Variants in ZHX3 observed in about 807,000 individuals in gnomAD.
The protein encoded by ZHX3 is zinc fingers and homeoboxes protein 3.
Under a neutral mutation model 64.5 loss-of-function variants are expected in ZHX3, and 20 were observed. That is an observed-to-expected ratio of 0.31 (90% CI 0.22 to 0.45). ZHX3 has a LOEUF of 0.45. ZHX3 is among the 20% of genes least tolerant of loss of function. The probability of loss-of-function intolerance (pLI) is 1.00; values close to 1 mark genes in which losing one functional copy is unlikely to be tolerated. For synonymous variants in ZHX3, 423 were observed against 461.6 expected (o/e 0.92, Z 1.07); for missense variants, 1,041 against 1,195.8 (o/e 0.87, Z 1.91).
chr20:41,290,643 T>C (rs1177805248), intron 1 of ZHX3: 1 of 152,244 alleles, frequency 6.6e-6, no homozygotes, highest in Non-Finnish European at 1.5e-5. Flanking sequence ...CTGTGTCTGA[T>C]GAGAAAACAG....
rs77005189 is a variant in ZHX3, at chr20:41,247,688, C to T, written c.-151+21302G>A. ...CATCCTTCTCCTGTGGCTTGTAAAC[C>T]TCTGCAGTAACTTCAGCAATCTACA... is the stretch of plus-strand genomic sequence containing the variant. On this transcript the variant is annotated intron_variant, in intron 2 of 3. Transcript: ENST00000683867. 2.6e-3 allele frequency among the ~76,000 whole-genome samples: 393 copies of T among 151,722 alleles called. 3 individuals are homozygous for T. Among genetic ancestry groups the T allele is most frequent in the African/African-American group, 9.1e-3 (377 of 41,280 alleles).
rs995552526 is a variant in ZHX3 at position 41,224,099 on chromosome 20, C to G, written c.-150-19033G>C. On this transcript the variant is annotated intron_variant, in intron 2 of 3. Coordinates refer to ENST00000683867, the MANE Select transcript of ZHX3 (RefSeq NM_001384317.1). The surrounding 1 kb of genome is among the most constrained non-coding windows in gnomAD (Gnocchi z 5.2). ...AGAACAAGCAAAACAAAAAAAATACCCAAAATGGAGGAGTGGGACAATATA... is the reference window on the plus strand; with the variant it reads ...AGAACAAGCAAAACAAAAAAAATACGCAAAATGGAGGAGTGGGACAATATA... 6.6e-6 allele frequency among the ~76,000 whole-genome samples: 1 copy of G among 151,652 alleles called. No homozygotes were observed. The highest frequency in any genetic ancestry group is 2.4e-5 in the African/African-American group (1 of 41,312).
Position 41,181,794 on chromosome 20 carries a change from A to AG in ZHX3, c.*3396dup, listed in dbSNP as rs2036260580. On this transcript the variant is annotated 3_prime_UTR_variant, in exon 4 of 4. Coordinates refer to ENST00000683867, the MANE Select transcript of ZHX3 (RefSeq NM_001384317.1). ...AAGGCTAGCTGGAGATGAGACCACT[A>AG]GTACATGTGTGAGCCCGCAAGGCAC... 6.6e-6 allele frequency: 1 copy of AG among 152,278 alleles called. No individual in the cohort carries two copies. The highest frequency in any genetic ancestry group is 1.5e-5 in the Non-Finnish European group (1 of 68,076). The allele number at this position is 152,278 out of a possible 1,614,324, so 9.4% of individuals were successfully genotyped here.
chr20:41,253,499 T>C (rs770160233), intron 2 of ZHX3, among the ~76,000 whole-genome samples: 1 of 152,196 alleles, frequency 6.6e-6, no homozygotes, highest in Non-Finnish European at 1.5e-5. Context: ...GTGAGTCACT[T>C]TAAATTCTGG....
chr20:41,197,432 T>C (rs1317931183), intron 3 of ZHX3, among the ~76,000 whole-genome samples: 1 of 147,818 alleles, frequency 6.8e-6, no homozygotes, highest in Non-Finnish European at 1.5e-5. Flanking sequence ...AATATATATA[T>C]TTTTTTTCTC....
At chr20:41,264,137 G>A (rs1015278311) in intron 2 of ZHX3, among the ~76,000 whole-genome samples, 13 of 152,016 alleles carry the variant, frequency 8.6e-5, no homozygotes, top group East Asian at 7.7e-4. Flanking sequence ...GGCCAGGCGC[G>A]GTGGCTCACA....
chr20:41,306,939 C>G (rs543041096), intron 1 of ZHX3, among the ~76,000 whole-genome samples: 1 of 152,176 alleles, frequency 6.6e-6, no homozygotes, highest in African/African-American at 2.4e-5. Context: ...TCAGGCATAA[C>G]GATGACCACC....
At chr20:41,191,786 G>A (rs1349469591) in intron 3 of ZHX3, among the ~76,000 whole-genome samples, 1 of 152,192 alleles carries the variant, frequency 6.6e-6, no homozygotes, top group South Asian at 2.1e-4. Context: ...TGGTATCTGT[G>A]ATTTCCTCAG....
chr20:41,210,245 G>A (rs1166499711), intron 2 of ZHX3, among the ~76,000 whole-genome samples: 1 of 152,204 alleles, frequency 6.6e-6, no homozygotes, highest in African/African-American at 2.4e-5. Flanking sequence ...TTACACTGTT[G>A]GTGGGACTGT....
At chr20:41,287,706 G>T (rs1372168084) in intron 1 of ZHX3, among the ~76,000 whole-genome samples, 1 of 152,148 alleles carries the variant, frequency 6.6e-6, no homozygotes, top group Non-Finnish European at 1.5e-5. Context: ...TGGTAGTGGG[G>T]CCATCCCTGT....
chr20:41,267,156 C>A (rs984719117), intron 2 of ZHX3, among the ~76,000 whole-genome samples: 2 of 152,102 alleles, frequency 1.3e-5, no homozygotes, highest in African/African-American at 2.4e-5. Flanking sequence ...CCTAACCCTC[C>A]CAATTTATTA....
intron 3 of ZHX3, among the ~76,000 whole-genome samples, chr20:41,189,859 T>C (rs2036853874): frequency 6.6e-6 from 1 of 152,196 alleles, no homozygotes; most frequent in Non-Finnish European, 1.5e-5. Flanking sequence ...TCCAGTACTA[T>C]GCTGAATAGG....
At position 41,204,734 on chromosome 20, in the gene ZHX3, G is replaced by A; in HGVS notation, c.183C>T (p.Gly61=). The A allele has an allele frequency of 6.2e-7, 1 of 1,614,068 alleles. No individual in the cohort carries two copies. The highest frequency in any genetic ancestry group is 1.3e-5 in the African/African-American group (1 of 74,980). The change falls in exon 3 of 4, where the codon GGC becomes GGT. Residue 61 remains glycine, a synonymous_variant. Transcript: ENST00000683867. The surrounding 1 kb of genome is among the most constrained non-coding windows in gnomAD (Gnocchi z 6.6). The part of the protein sequence containing the change: ...EAAQNPSSTD[G]STLANGHRST... ...TCCGATGCCCATTGGCCAGTGTAGAGCCATCAGTACTGCTGGGGTTCTGTG... is the reference window on the plus strand; with the variant it reads ...TCCGATGCCCATTGGCCAGTGTAGAACCATCAGTACTGCTGGGGTTCTGTG...
chr20:41,240,666 A>G (rs937536767), intron 2 of ZHX3, among the ~76,000 whole-genome samples: 3 of 151,826 alleles, frequency 2.0e-5, no homozygotes, highest in African/African-American at 7.3e-5. Context: ...TCACCCTACT[A>G]CCCTTCCCAG....
At chr20:41,236,050 A>C (rs956066546) in intron 2 of ZHX3, among the ~76,000 whole-genome samples, 12 of 152,222 alleles carry the variant, frequency 7.9e-5, no homozygotes, top group Non-Finnish European at 1.6e-4. Context: ...AATACCTAGG[A>C]ATCCAACTAA....
At chr20:41,290,887 G>A (rs935799223) in intron 1 of ZHX3, among the ~76,000 whole-genome samples, 3 of 152,082 alleles carry the variant, frequency 2.0e-5, no homozygotes, top group Non-Finnish European at 4.4e-5. Flanking sequence ...CTTCATCTGG[G>A]GGCCTCCCAA....
At chr20:41,292,016 A>T (rs1018987313) in intron 1 of ZHX3, among the ~76,000 whole-genome samples, 4 of 121,970 alleles carry the variant, frequency 3.3e-5, no homozygotes, top group African/African-American at 2.3e-4. Flanking sequence ...TCATCTTTAA[A>T]AAAAAAAAAA....
intron 1 of ZHX3, among the ~76,000 whole-genome samples, chr20:41,311,035 C>A (rs1005796415): frequency 4.1e-4 from 63 of 152,078 alleles, no homozygotes; most frequent in African/African-American, 1.4e-3. Context: ...GTCTTTATTT[C>A]TTAACCTCGT....
At chr20:41,260,546 C>T (rs2042510648) in intron 2 of ZHX3, among the ~76,000 whole-genome samples, 1 of 152,190 alleles carries the variant, frequency 6.6e-6, no homozygotes, top group Non-Finnish European at 1.5e-5. Flanking sequence ...CAACCCAATT[C>T]CCAAGATTTG....
Sources: gnomAD v4.1 joint callset for allele counts (sites outside exome capture counted in the v4.1 genomes callset) on GRCh38, gnomAD v4.1.1 for gene constraint, Gnocchi (gnomAD v3.1) non-coding constraint, MANE v1.5 for transcripts, NCBI Gene and HGNC (gene_info 2026-07-23, HGNC 2026-07-21) for gene names.